The following ARID2 variants were observed in gnomAD, a reference collection of about 807,000 sequenced individuals.
The protein encoded by ARID2 is AT-rich interaction domain 2.
In ARID2, 32 loss-of-function variants were observed where a neutral mutation model predicts 184.6. That is an observed-to-expected ratio of 0.17 (90% CI 0.13 to 0.23). The LOEUF (loss-of-function observed/expected upper bound fraction) is 0.23. ARID2 is among the 10% of genes least tolerant of loss of function. The pLI is 1.00. For synonymous variants in ARID2, 836 were observed against 772.6 expected (o/e 1.08, Z -1.36); for missense variants, 1,696 against 2,197.6 (o/e 0.77, Z 4.56).
intron 11 of ARID2, chr12:45,841,426 C>T (rs1943340374): frequency 6.6e-6 from 1 of 152,158 alleles, no homozygotes; most frequent in Non-Finnish European, 1.5e-5. Context: ...AGCTGGAGAG[C>T]ACTTTATTAC....
intron 3 of ARID2, among the ~76,000 whole-genome samples, chr12:45,800,315 C>T (rs1391766440): frequency 6.6e-6 from 1 of 152,040 alleles, no homozygotes; most frequent in Admixed American, 6.5e-5. Flanking sequence ...TCTGAAGACA[C>T]AAAGAACTGT....
chr12:45,766,577 A>G (rs1350095885), intron 3 of ARID2, among the ~76,000 whole-genome samples: 2 of 150,696 alleles, frequency 1.3e-5, no homozygotes, highest in East Asian at 4.1e-4. Context: ...GCAGTGGCGC[A>G]ATCTTGGCTC....
intron 3 of ARID2, among the ~76,000 whole-genome samples, chr12:45,747,824 G>GAC (rs528344782): frequency 7.9e-4 from 121 of 152,232 alleles, no homozygotes; most frequent in African/African-American, 2.8e-3. Flanking sequence ...AAGTAAAATA[G>GAC]ACACTAATGT....
chr12:45,758,270 C>G (rs936159527), intron 3 of ARID2, among the ~76,000 whole-genome samples: 1 of 152,148 alleles, frequency 6.6e-6, no homozygotes, highest in Non-Finnish European at 1.5e-5. Flanking sequence ...TTTCTAATAA[C>G]TCTATACAAC....
chr12:45,800,824 A>G (rs946313707), intron 3 of ARID2, among the ~76,000 whole-genome samples: 2 of 152,194 alleles, frequency 1.3e-5, no homozygotes, highest in Non-Finnish European at 2.9e-5. Context: ...CCAGTGGCCA[A>G]ATCTGGGACA....
At chr12:45,903,918 AT>A (rs1203211285) in intron 20 of ARID2, among the ~76,000 whole-genome samples, 1 of 152,006 alleles carries the variant, frequency 6.6e-6, no homozygotes, top group African/African-American at 2.4e-5. Context: ...TTGCAATGAA[AT>A]TTTTTATACC....
At chr12:45,856,167 C>T (rs979972180) in intron 15 of ARID2, among the ~76,000 whole-genome samples, 4 of 149,556 alleles carry the variant, frequency 2.7e-5, no homozygotes, top group Non-Finnish European at 3.0e-5. Flanking sequence ...CTCTACCTCC[C>T]GGGTTCAAGC....
chr12:45,897,663 T>A (rs1944387104), intron 20 of ARID2, among the ~76,000 whole-genome samples: 1 of 152,152 alleles, frequency 6.6e-6, no homozygotes, highest in Non-Finnish European at 1.5e-5. Context: ...ACACCAATAT[T>A]GATGGCTATT....
chr12:45,797,360 G>C (rs962694449), intron 3 of ARID2, among the ~76,000 whole-genome samples: 1 of 152,104 alleles, frequency 6.6e-6, no homozygotes, highest in African/African-American at 2.4e-5. Flanking sequence ...TCAGCCTCCT[G>C]AGTAGCTGAG....
At chr12:45,877,138 T>A (rs190282936) in intron 16 of ARID2, among the ~76,000 whole-genome samples, 1 of 148,648 alleles carries the variant, frequency 6.7e-6, no homozygotes. Flanking sequence ...TAAAGCAACA[T>A]GCAATAAAAT....
At chr12:45,757,355 A>G (rs1941589583) in intron 3 of ARID2, among the ~76,000 whole-genome samples, 2 of 152,218 alleles carry the variant, frequency 1.3e-5, no homozygotes, top group Non-Finnish European at 2.9e-5. Context: ...ATTTGAGCAC[A>G]TATTGTCCCA....
At chr12:45,731,731 ATT>A (rs969947198) in intron 3 of ARID2, among the ~76,000 whole-genome samples, 7 of 146,974 alleles carry the variant, frequency 4.8e-5, no homozygotes, top group African/African-American at 1.7e-4. Flanking sequence ...GGCTTTAAGA[ATT>A]TTTTTTTTTT....
intron 3 of ARID2, among the ~76,000 whole-genome samples, chr12:45,808,736 CGTGTGTGTGT>C (rs138992855): frequency 2.0e-5 from 3 of 147,590 alleles, no homozygotes; most frequent in East Asian, 2.0e-4. Context: ...TGTTTGCGTG[CGTGTGTGTGT>C]GTGTGTGTGT....
At chr12:45,815,953 G>A (rs954899054) in intron 4 of ARID2, among the ~76,000 whole-genome samples, 1 of 152,100 alleles carries the variant, frequency 6.6e-6, no homozygotes, top group African/African-American at 2.4e-5. Flanking sequence ...GAGCCACCAT[G>A]CCCAGCCTGA....
intron 16 of ARID2, among the ~76,000 whole-genome samples, chr12:45,864,420 A>G (rs1006128300): frequency 3.9e-5 from 6 of 152,022 alleles, no homozygotes; most frequent in African/African-American, 1.4e-4. Flanking sequence ...TTGGAATGTA[A>G]GGTTCAAACA....
intron 6 of ARID2, among the ~76,000 whole-genome samples, chr12:45,835,176 G>T (rs1378311135): frequency 1.3e-5 from 2 of 151,942 alleles, no homozygotes; most frequent in Non-Finnish European, 2.9e-5. Context: ...TTTTAGTTAT[G>T]TTTTTCAGTT....
At chr12:45,871,435 C>CCTG (rs1438427483) in intron 16 of ARID2, among the ~76,000 whole-genome samples, 1 of 152,102 alleles carries the variant, frequency 6.6e-6, no homozygotes, top group Non-Finnish European at 1.5e-5. Context: ...TTCAACCAGC[C>CCTG]TTGTGTCCCT....
At chr12:45,902,772 T>G (rs1206543860) in intron 20 of ARID2, among the ~76,000 whole-genome samples, 1 of 152,140 alleles carries the variant, frequency 6.6e-6, no homozygotes, top group Non-Finnish European at 1.5e-5. Flanking sequence ...CTCGAACTCC[T>G]GACCTCGTGA....
intron 3 of ARID2, among the ~76,000 whole-genome samples, chr12:45,789,960 C>A (rs948233938): frequency 1.1e-4 from 16 of 152,102 alleles, no homozygotes; most frequent in African/African-American, 1.9e-4. Context: ...ACCAAAAAAA[C>A]CAAAACAAAA....
Sources: gnomAD v4.1 joint callset for allele counts (sites outside exome capture counted in the v4.1 genomes callset) on GRCh38, gnomAD v4.1.1 for gene constraint, MANE v1.5 for transcripts, NCBI Gene and HGNC (gene_info 2026-07-23, HGNC 2026-07-21) for gene names.